The following TRHR variants were observed in gnomAD, a reference collection of about 807,000 sequenced individuals.
TRHR encodes thyrotropin releasing hormone receptor.
TRHR carries 14 observed loss-of-function variants against 28.0 expected under a neutral mutation model. The observed-to-expected ratio is 0.50, with a 90% CI of 0.33 to 0.78. The LOEUF is 0.78. Among genes scored for constraint, TRHR ranks in the 30% least tolerant of loss-of-function variants. The probability of loss-of-function intolerance (pLI) is 0.02; values close to 1 mark genes in which losing one functional copy is unlikely to be tolerated. For synonymous variants in TRHR, 176 were observed against 171.9 expected, an observed-to-expected ratio of 1.02 and a Z score of -0.18; for missense variants, 438 against 469.5, an observed-to-expected ratio of 0.93 and a Z score of 0.62.
chr8:109,088,899 C>T (rs1307794967), intron 2 of TRHR, among the ~76,000 whole-genome samples: 1 of 152,130 alleles, frequency 6.6e-6, no homozygotes, highest in Non-Finnish European at 1.5e-5. Context: ...GCTGAAAATG[C>T]ACTTTGCTCA....
intron 2 of TRHR, among the ~76,000 whole-genome samples, chr8:109,111,127 G>A (rs1185055650): frequency 6.6e-6 from 1 of 152,032 alleles, no homozygotes; most frequent in Non-Finnish European, 1.5e-5. Context: ...ACTCCAGCCT[G>A]GGCGACAGAG....
At position 109,108,241 on chromosome 8, in the gene TRHR, A is replaced by G. The variant is rs536478645; in HGVS notation, c.790-10807A>G. Among the ~76,000 whole-genome samples the G allele has an allele frequency of 1.8e-4, 28 of 152,302 alleles. No homozygotes were observed. In the South Asian group the frequency reaches 5.8e-3, roughly 32 times the overall value. On this transcript the variant is annotated intron_variant, in intron 2 of 2. Transcript: ENST00000518632. ...GGGCAGCTCTGAGAATTTTACTTCTATTTAAGGATCACCATCACCTCTCTC... is the reference window on the plus strand; with the variant it reads ...GGGCAGCTCTGAGAATTTTACTTCTGTTTAAGGATCACCATCACCTCTCTC...
Position 109,087,460 on chromosome 8 carries a change from A to T in TRHR, c.-53A>T, listed in dbSNP as rs1811448862. On this transcript the variant is annotated 5_prime_UTR_variant, in exon 2 of 3. Transcript: ENST00000518632. ...CTGCTGCAATAAAGGTGGGCGCTGG[A>T]AAGAAGATGTTTTGAGAAGTCAGTG... 7 of 1,604,832 alleles carry T rather than the reference A, an allele frequency of 4.4e-6. No homozygotes were observed. In the South Asian group the frequency reaches 6.6e-5, roughly 15 times the overall value.
At chr8:109,100,775 G>A (rs747308169) in intron 2 of TRHR, among the ~76,000 whole-genome samples, 45 of 152,176 alleles carry the variant, frequency 3.0e-4, no homozygotes, top group African/African-American at 9.4e-4. Flanking sequence ...GTGGAGAGGC[G>A]GGCACCAGAA....
At chr8:109,094,061 C>T (rs1811552626) in intron 2 of TRHR, among the ~76,000 whole-genome samples, 1 of 152,104 alleles carries the variant, frequency 6.6e-6, no homozygotes, top group African/African-American at 2.4e-5. Flanking sequence ...TAAACGTAAG[C>T]AGCTGCCAGC....
At chr8:109,100,682 G>A (rs1255686003) in intron 2 of TRHR, among the ~76,000 whole-genome samples, 3 of 152,108 alleles carry the variant, frequency 2.0e-5, no homozygotes, top group African/African-American at 7.2e-5. Flanking sequence ...ACAGAAGACA[G>A]AATAGTAAGC....
chr8:109,121,308 A>G lies in TRHR; in HGVS notation c.*1853A>G, dbSNP rs1812004143. ...TGACCCAACCCCAAATCACACAAGC[A>G]CATGTGTGTTTATAAACACATACCC... On this transcript the variant is annotated 3_prime_UTR_variant, in exon 3 of 3. Transcript: ENST00000518632. Among the ~76,000 whole-genome samples, 1 of 151,658 alleles carries G rather than the reference A, an allele frequency of 6.6e-6. No individual in the cohort carries two copies. Among genetic ancestry groups the G allele is most frequent in the African/African-American group, 2.4e-5 (1 of 41,344 alleles).
intron 2 of TRHR, among the ~76,000 whole-genome samples, chr8:109,110,604 C>T (rs1348285513): frequency 5.3e-5 from 8 of 152,118 alleles, no homozygotes; most frequent in Non-Finnish European, 8.8e-5. Context: ...ACTTGACAAG[C>T]GAAGTCAAGA....
At chr8:109,090,978 C>T (rs533257186) in intron 2 of TRHR, among the ~76,000 whole-genome samples, 1 of 148,678 alleles carries the variant, frequency 6.7e-6, no homozygotes, top group African/African-American at 2.6e-5. Context: ...AGGATCCAGA[C>T]AATCAGGCAA....
chr8:109,114,416 A>T (rs1811886775), intron 2 of TRHR, among the ~76,000 whole-genome samples: 1 of 152,044 alleles, frequency 6.6e-6, no homozygotes, highest in African/African-American at 2.4e-5. Context: ...CATTTTCAGA[A>T]CTCAATATGC....
chr8:109,095,886 C>T (rs919953897), intron 2 of TRHR, among the ~76,000 whole-genome samples: 2 of 150,534 alleles, frequency 1.3e-5, no homozygotes, highest in Non-Finnish European at 3.0e-5. Context: ...GCTCATTATT[C>T]TCCTGCTGAC....
intron 2 of TRHR, among the ~76,000 whole-genome samples, chr8:109,115,130 T>C (rs546596547): frequency 3.3e-5 from 5 of 152,242 alleles, no homozygotes; most frequent in South Asian, 2.1e-4. Flanking sequence ...GTTGTAGATA[T>C]GCGGCGTTAT....
chr8:109,109,644 C>G (rs1811800321), intron 2 of TRHR, among the ~76,000 whole-genome samples: 1 of 152,124 alleles, frequency 6.6e-6, no homozygotes, highest in African/African-American at 2.4e-5. Context: ...GTTCCTGTCT[C>G]ACATAGACTG....
intron 2 of TRHR, among the ~76,000 whole-genome samples, chr8:109,110,949 A>G (rs1811823431): frequency 6.6e-6 from 1 of 152,178 alleles, no homozygotes; most frequent in African/African-American, 2.4e-5. Context: ...TGAGATCAGG[A>G]GTTCCAGACC....
At chr8:109,096,800 T>C (rs959072812) in intron 2 of TRHR, among the ~76,000 whole-genome samples, 2 of 151,974 alleles carry the variant, frequency 1.3e-5, no homozygotes, top group Non-Finnish European at 2.9e-5. Flanking sequence ...TATATATATA[T>C]AAAAAAACAT....
intron 2 of TRHR, 151 bp from the exon 3 acceptor site, chr8:109,118,897 T>G: frequency 1.0e-6 from 1 of 982,322 alleles, no homozygotes; most frequent in Non-Finnish European, 1.6e-6. Flanking sequence ...TTAATCCTGC[T>G]TCCTGGGATC....
At chr8:109,109,306 G>T (rs992026515) in intron 2 of TRHR, among the ~76,000 whole-genome samples, 1 of 151,980 alleles carries the variant, frequency 6.6e-6, no homozygotes, top group Non-Finnish European at 1.5e-5. Flanking sequence ...AGATGATGTT[G>T]GAGTCCAATA....
intron 2 of TRHR, among the ~76,000 whole-genome samples, chr8:109,101,861 A>G (rs568424465): frequency 6.6e-6 from 1 of 152,274 alleles, no homozygotes; most frequent in Non-Finnish European, 1.5e-5. Flanking sequence ...GAAATTTTGT[A>G]AAGTAGAAAA....
intron 2 of TRHR, among the ~76,000 whole-genome samples, chr8:109,100,345 T>G (rs1046493121): frequency 1.3e-5 from 2 of 152,084 alleles, no homozygotes; most frequent in Non-Finnish European, 2.9e-5. Flanking sequence ...CAATTGGAAA[T>G]CTCTCTGAAT....
Sources: gnomAD v4.1 joint callset for allele counts (sites outside exome capture counted in the v4.1 genomes callset) on GRCh38, gnomAD v4.1.1 for gene constraint, MANE v1.5 for transcripts, NCBI Gene and HGNC (gene_info 2026-07-23, HGNC 2026-07-21) for gene names.